The following STXBP6 variants were observed in gnomAD, a reference collection of about 807,000 sequenced individuals.
STXBP6 encodes the protein syntaxin binding protein 6, also known as syntaxin-binding protein 6.
STXBP6 carries 21 observed loss-of-function variants against 26.9 expected under a neutral mutation model. The observed-to-expected ratio is 0.78, with a 90% CI of 0.55 to 1.12. The LOEUF (loss-of-function observed/expected upper bound fraction) is 1.12, where lower values mean the gene tolerates loss of function less well. Ranked by LOEUF, STXBP6 falls within the 50% of genes most tolerant of loss-of-function variation. The pLI, the probability that STXBP6 is intolerant of heterozygous loss-of-function variation, is 0.00. For synonymous variants in STXBP6, 97 were observed against 92.6 expected, an observed-to-expected ratio of 1.05 and a Z score of -0.27; for missense variants, 232 against 257.9, an observed-to-expected ratio of 0.90 and a Z score of 0.69.
intron 2 of STXBP6, among the ~76,000 whole-genome samples, chr14:24,892,152 G>C (rs1301661324): frequency 6.6e-6 from 1 of 151,762 alleles, no homozygotes; most frequent in Non-Finnish European, 1.5e-5. Context: ...CATGTATTCA[G>C]AGCATCTTAT....
intron 2 of STXBP6, among the ~76,000 whole-genome samples, chr14:24,896,958 G>A (rs1243366446): frequency 6.6e-6 from 1 of 152,164 alleles, no homozygotes; most frequent in African/African-American, 2.4e-5. Flanking sequence ...GTACCACTGG[G>A]TGAGACATAA....
At chr14:24,899,444 G>A (rs906788775) in intron 2 of STXBP6, among the ~76,000 whole-genome samples, 3 of 152,064 alleles carry the variant, frequency 2.0e-5, no homozygotes, top group Non-Finnish European at 2.9e-5. Flanking sequence ...CTTGTGAGGT[G>A]GCCACTACCA....
At chr14:24,827,777 C>A (rs2138862918) in intron 4 of STXBP6, among the ~76,000 whole-genome samples, 1 of 152,286 alleles carries the variant, frequency 6.6e-6, no homozygotes, top group Non-Finnish European at 1.5e-5. Flanking sequence ...ACCCATAATA[C>A]AACACAACCA....
intron 1 of STXBP6, among the ~76,000 whole-genome samples, chr14:25,035,930 G>A (rs945296921): frequency 1.3e-5 from 2 of 152,070 alleles, no homozygotes; most frequent in African/African-American, 4.8e-5. Flanking sequence ...AGAAAAACAG[G>A]TTGTGGGCTG....
chr14:24,958,761 G>A (rs2073425084), intron 2 of STXBP6, among the ~76,000 whole-genome samples: 1 of 151,900 alleles, frequency 6.6e-6, no homozygotes, highest in Admixed American at 6.6e-5. Flanking sequence ...CTCTCCATTA[G>A]AATGCAAAAA....
intron 1 of STXBP6, among the ~76,000 whole-genome samples, chr14:25,028,732 T>C (rs1161436801): frequency 6.6e-6 from 1 of 152,150 alleles, no homozygotes. Context: ...CCGATGTATC[T>C]GGTCAAAGTC....
intron 2 of STXBP6, among the ~76,000 whole-genome samples, chr14:24,869,840 G>C (rs1321579925): frequency 1.3e-5 from 2 of 152,166 alleles, no homozygotes; most frequent in African/African-American, 2.4e-5. Context: ...CTATGACAGA[G>C]AGAAGCTGTT....
chr14:24,909,295 T>C (rs1357175801), intron 2 of STXBP6, among the ~76,000 whole-genome samples: 1 of 152,352 alleles, frequency 6.6e-6, no homozygotes, highest in East Asian at 1.9e-4. Flanking sequence ...CAGCACGTCA[T>C]GCGTGGAGCG....
At chr14:24,863,742 G>A (rs1361600281) in intron 2 of STXBP6, among the ~76,000 whole-genome samples, 1 of 151,774 alleles carries the variant, frequency 6.6e-6, no homozygotes, top group Non-Finnish European at 1.5e-5. Flanking sequence ...AACCCAAAAG[G>A]TTTCCCAATA....
chr14:24,845,166 C>T (rs1295467254), intron 4 of STXBP6, among the ~76,000 whole-genome samples: 4 of 152,048 alleles, frequency 2.6e-5, no homozygotes, highest in Non-Finnish European at 5.9e-5. Flanking sequence ...CATGTGCCAC[C>T]AGGCCTGGCT....
intron 1 of STXBP6, among the ~76,000 whole-genome samples, chr14:25,003,358 T>C (rs2074812352): frequency 6.6e-6 from 1 of 152,204 alleles, no homozygotes; most frequent in South Asian, 2.1e-4. Context: ...ATCACCATTC[T>C]TTTGTCGTCA....
rs920362830 is a variant in STXBP6 at position 25,049,543 on chromosome 14, GA to G, written c.-33+334del. ...CCCATGCCATCGCGGGGACGGTGCG[GA>G]AAAAAAGGCTCCATCCTCAACTTTC... On this transcript the variant is annotated intron_variant, in intron 1 of 5. Transcript: ENST00000323944. This position sits in a 1 kb window ranked among gnomAD's most constrained non-coding sequence, Gnocchi z 5.6. 26 of 985,384 alleles carry G rather than the reference GA, an allele frequency of 2.6e-5. No homozygotes were observed. The highest frequency in any genetic ancestry group is 3.1e-5 in the Non-Finnish European group (26 of 830,004). The allele number at this position is 985,384 out of a possible 1,614,324, so 61.0% of individuals were successfully genotyped here. A position where few individuals can be genotyped will look rare whatever the true frequency, so the allele number is the denominator to read the frequency against.
chr14:24,878,873 T>C, intron 2 of STXBP6: 1 of 425,908 alleles, frequency 2.3e-6, no homozygotes, highest in Non-Finnish European at 4.8e-6. Context: ...TGCCTTTCCC[T>C]ATTCTTACTG....
intron 1 of STXBP6, among the ~76,000 whole-genome samples, chr14:24,978,319 T>C (rs772535311): frequency 4.6e-5 from 7 of 152,170 alleles, no homozygotes; most frequent in Non-Finnish European, 1.0e-4. Context: ...CTAATTTAAA[T>C]GCTCTGAGCC....
At chr14:24,950,563 G>GA (rs1372241035) in intron 2 of STXBP6, among the ~76,000 whole-genome samples, 4 of 151,944 alleles carry the variant, frequency 2.6e-5, no homozygotes, top group South Asian at 2.1e-4. Flanking sequence ...TAGCGAGAGG[G>GA]AAAAAAATCA....
chr14:24,884,827 G>A (rs2070509745), intron 2 of STXBP6, among the ~76,000 whole-genome samples: 1 of 152,144 alleles, frequency 6.6e-6, no homozygotes, highest in Non-Finnish European at 1.5e-5. Context: ...CACTCAGTAT[G>A]AAATGCTGAA....
At chr14:25,017,503 G>C (rs1265186916) in intron 1 of STXBP6, among the ~76,000 whole-genome samples, 1 of 152,236 alleles carries the variant, frequency 6.6e-6, no homozygotes, top group Non-Finnish European at 1.5e-5. Flanking sequence ...TTGATCCAAA[G>C]GGCAGGGAAT....
chr14:25,014,856 T>TC (rs1198019803), intron 1 of STXBP6, among the ~76,000 whole-genome samples: 5 of 152,258 alleles, frequency 3.3e-5, no homozygotes, highest in Admixed American at 2.0e-4. Flanking sequence ...TACTTTTTTT[T>TC]CTCTTGGATA....
At chr14:25,017,210 ACTC>A (rs1440609449) in intron 1 of STXBP6, among the ~76,000 whole-genome samples, 1 of 152,176 alleles carries the variant, frequency 6.6e-6, no homozygotes, top group Non-Finnish European at 1.5e-5. Context: ...AGGACTTCTC[ACTC>A]CTCTACGGCC....
Sources: gnomAD v4.1 joint callset for allele counts (sites outside exome capture counted in the v4.1 genomes callset) on GRCh38, gnomAD v4.1.1 for gene constraint, Gnocchi (gnomAD v3.1) non-coding constraint, MANE v1.5 for transcripts, NCBI Gene and HGNC (gene_info 2026-07-23, HGNC 2026-07-21) for gene names.